GRIK2: variants seen among roughly 807,000 people sequenced by gnomAD.
GRIK2 encodes glutamate receptor ionotropic, kainate 2.
Under a neutral mutation model 100.3 loss-of-function variants are expected in GRIK2, and 32 were observed. The ratio of observed to expected loss-of-function variants is 0.32; its 90% CI spans 0.24 to 0.43. The LOEUF is 0.43. Ranked by LOEUF, GRIK2 falls within the 20% of genes least tolerant of loss-of-function variation. The probability of loss-of-function intolerance (pLI) is 1.00; values close to 1 mark genes in which losing one functional copy is unlikely to be tolerated. For missense variants in GRIK2, 843 were observed against 1,114.9 expected (o/e 0.76, Z 3.47); for synonymous variants, 417 against 389.4 (o/e 1.07, Z -0.83).
intron 4 of GRIK2, among the ~76,000 whole-genome samples, chr6:101,638,900 T>C (rs560633468): frequency 6.6e-6 from 1 of 152,190 alleles, no homozygotes. Flanking sequence ...GGTGAGATGA[T>C]TGCTTGAGCC....
chr6:102,038,522 T>A (rs1464898219), intron 15 of GRIK2, among the ~76,000 whole-genome samples: 1 of 151,464 alleles, frequency 6.6e-6, no homozygotes, highest in African/African-American at 2.4e-5. Context: ...ACTATCATAA[T>A]CTGCATTTCT....
intron 2 of GRIK2, among the ~76,000 whole-genome samples, chr6:101,592,989 G>A (rs1043203702): frequency 2.6e-5 from 4 of 151,794 alleles, no homozygotes; most frequent in African/African-American, 4.8e-5. Context: ...AATGATATAG[G>A]CAATTGTTGC....
chr6:102,033,825 T>G (rs548835445), intron 14 of GRIK2, among the ~76,000 whole-genome samples: 1 of 151,570 alleles, frequency 6.6e-6, no homozygotes, highest in African/African-American at 2.4e-5. Flanking sequence ...AATTAACTGT[T>G]AGTATTGTAG....
In GRIK2 at chr6:102,043,547, T is replaced by C. The variant is rs1400662468; in HGVS notation, c.2311+7981T>C. The stretch of plus-strand genomic sequence containing the variant: ...GCCTGACTTCTTTCATTTAGCATAA[T>C]ATTCTCTTGTTTCATCTAGGTTGTC... On this transcript the variant is annotated intron_variant, in intron 15 of 16. Transcript: ENST00000369134. Among the ~76,000 whole-genome samples, 5 of 152,096 alleles carry C rather than the reference T, an allele frequency of 3.3e-5. 1 individual carries two copies. The highest frequency in any genetic ancestry group is 3.3e-4 in the Admixed American group (5 of 15,220).
At chr6:101,604,677 T>C (rs900978144) in intron 2 of GRIK2, among the ~76,000 whole-genome samples, 3 of 151,960 alleles carry the variant, frequency 2.0e-5, no homozygotes. Flanking sequence ...AGAAGATTGG[T>C]TAATTATCCA....
intron 4 of GRIK2, 73 bp downstream of exon 4, chr6:101,626,710 T>A: frequency 2.3e-6 from 3 of 1,329,236 alleles, no homozygotes; most frequent in Non-Finnish European, 3.2e-6. Flanking sequence ...TCCAGGTTCT[T>A]ATTGTATTCT....
At chr6:101,768,951 AT>A (rs1778221716) in intron 7 of GRIK2, among the ~76,000 whole-genome samples, 1 of 152,180 alleles carries the variant, frequency 6.6e-6, no homozygotes, top group African/African-American at 2.4e-5. Context: ...TATTTTTCTG[AT>A]TTAAAAAAAG....
At chr6:101,756,515 C>A (rs2128387476) in intron 7 of GRIK2, among the ~76,000 whole-genome samples, 1 of 151,988 alleles carries the variant, frequency 6.6e-6, no homozygotes, top group Admixed American at 6.5e-5. Context: ...TTTATTCCAA[C>A]ACTGTTTAAA....
At chr6:101,791,916 G>C in intron 7 of GRIK2, among the ~76,000 whole-genome samples, 1 of 151,976 alleles carries the variant, frequency 6.6e-6, no homozygotes, top group Admixed American at 6.5e-5. Flanking sequence ...ATATATTTAG[G>C]ATAGTTATCT....
intron 2 of GRIK2, among the ~76,000 whole-genome samples, chr6:101,428,416 T>A (rs1769177299): frequency 6.6e-6 from 1 of 152,204 alleles, no homozygotes; most frequent in Non-Finnish European, 1.5e-5. Context: ...TGTCAGTCAG[T>A]TGCCAACACA....
chr6:102,068,593 A>T lies in GRIK2; in HGVS notation c.*82A>T. 1 of 1,214,428 alleles carries T rather than the reference A, an allele frequency of 8.2e-7. No individual in the cohort carries two copies. Among genetic ancestry groups the T allele is most frequent in the Non-Finnish European group, 1.2e-6 (1 of 852,748 alleles). 75.2% of individuals were successfully genotyped at this position (1,214,428 alleles called of 1,614,324 possible). A position where few individuals can be genotyped will look rare whatever the true frequency, so the allele number is the denominator to read the frequency against. On this transcript the variant is annotated 3_prime_UTR_variant, in exon 17 of 17. Coordinates refer to ENST00000369134, the MANE Select transcript of GRIK2 (RefSeq NM_021956.5). ...CAGAATGTTTCCTGTGGAAATATGC[A>T]ACCTGTGCAAAATAAAATGAGTTAC...
In GRIK2 at chr6:101,503,610, C is replaced by G. The variant is rs561096124; in HGVS notation, c.115+104218C>G. Among the ~76,000 whole-genome samples, 270 of 152,188 alleles carry G rather than the reference C, an allele frequency of 1.8e-3. 1 individual carries two copies. Among genetic ancestry groups the G allele is most frequent in the African/African-American group, 6.2e-3 (257 of 41,532 alleles). On this transcript the variant is annotated intron_variant, in intron 2 of 16. Coordinates refer to ENST00000369134, the MANE Select transcript of GRIK2 (RefSeq NM_021956.5). ...TTTTGACATTCTTCTGGATGTTTTG[C>G]TGAGATTTATGATGGTCAAAAGGGG...
intron 9 of GRIK2, among the ~76,000 whole-genome samples, chr6:101,810,024 C>A (rs1002820179): frequency 6.6e-6 from 1 of 151,660 alleles, no homozygotes; most frequent in African/African-American, 2.4e-5. Context: ...TTTGGCCCAC[C>A]AATGAATATT....
chr6:101,699,413 C>T (rs1772724245), intron 7 of GRIK2, among the ~76,000 whole-genome samples: 1 of 152,028 alleles, frequency 6.6e-6, no homozygotes, highest in Non-Finnish European at 1.5e-5. Context: ...TGAGTCTGCC[C>T]ATAGTGGCTG....
intron 7 of GRIK2, among the ~76,000 whole-genome samples, chr6:101,787,629 G>T (rs1779520942): frequency 6.6e-6 from 1 of 151,966 alleles, no homozygotes; most frequent in Admixed American, 6.6e-5. Context: ...TCTTGTTATT[G>T]ATTTCTATTT....
intron 14 of GRIK2, among the ~76,000 whole-genome samples, chr6:102,013,177 T>G (rs1053772728): frequency 6.6e-6 from 1 of 152,178 alleles, no homozygotes; most frequent in Non-Finnish European, 1.5e-5. Flanking sequence ...TTTCTAAATA[T>G]TTTATTCCTT....
intron 2 of GRIK2, among the ~76,000 whole-genome samples, chr6:101,508,374 C>G (rs1222985460): frequency 6.6e-5 from 10 of 152,064 alleles, no homozygotes; most frequent in Non-Finnish European, 1.5e-4. Context: ...CCAATTAGTA[C>G]AAATTCTGAA....
chr6:101,512,790 A>G (rs987145249), intron 2 of GRIK2, among the ~76,000 whole-genome samples: 2 of 152,058 alleles, frequency 1.3e-5, no homozygotes, highest in Non-Finnish European at 2.9e-5. Flanking sequence ...ATAAAGAATC[A>G]TTATATTTTA....
intron 2 of GRIK2, among the ~76,000 whole-genome samples, chr6:101,557,622 C>G (rs183834081): frequency 6.6e-6 from 1 of 152,096 alleles, no homozygotes; most frequent in Non-Finnish European, 1.5e-5. Flanking sequence ...TTTCTAACTC[C>G]TACTCATGTT....
Sources: allele counts gnomAD v4.1 joint callset (sites outside exome capture counted in the v4.1 genomes callset), GRCh38; gene constraint gnomAD v4.1.1; transcripts MANE v1.5; gene names NCBI Gene and HGNC (gene_info 2026-07-23, HGNC 2026-07-21).